STAG1: variants seen among roughly 807,000 people sequenced by gnomAD.
STAG1 encodes cohesin subunit SA-1.
A neutral mutation model predicts 170.9 loss-of-function variants in STAG1; 26 were observed. The ratio of observed to expected loss-of-function variants is 0.15; its 90% CI spans 0.11 to 0.21. The LOEUF (loss-of-function observed/expected upper bound fraction) is 0.21, where lower values mean the gene tolerates loss of function less well. Ranked by LOEUF, STAG1 falls within the 10% of genes least tolerant of loss-of-function variation. The pLI is 1.00. For missense variants in STAG1, 964 were observed against 1,509.5 expected (o/e 0.64, Z 5.99); for synonymous variants, 514 against 497.7 (o/e 1.03, Z -0.44).
chr3:136,613,334 A>T (rs1462922501), intron 3 of STAG1, among the ~76,000 whole-genome samples: 1 of 151,080 alleles, frequency 6.6e-6, no homozygotes, highest in East Asian at 1.9e-4. Flanking sequence ...AAAAAAAAAA[A>T]AGAAATCAGA....
rs145469400 is a variant in STAG1, at chr3:136,357,576, G to C, written c.3065+144C>G. 539 of 597,944 alleles carry C rather than the reference G, an allele frequency of 9.0e-4. 2 individuals are homozygous for C. In the African/African-American group the frequency reaches 9.6e-3, roughly 11 times the overall value. 37.0% of individuals were successfully genotyped at this position (597,944 alleles called of 1,614,324 possible). On this transcript the variant is annotated intron_variant, in intron 28 of 33. Coordinates refer to ENST00000383202, the MANE Select transcript of STAG1 (RefSeq NM_005862.3). ...AATAACTACTACATAAATGCTTGAA[G>C]GAAAACTATAATTCCTTAAAACAAA... is the stretch of plus-strand genomic sequence containing the variant.
chr3:136,633,962 T>TAAAAAAAAAAAAAAAAAAAAAAAAAA (rs67810422), intron 1 of STAG1, among the ~76,000 whole-genome samples: 2 of 50,356 alleles, frequency 4.0e-5, no homozygotes, highest in Non-Finnish European at 8.5e-5. Flanking sequence ...TGTCTCTACT[T>TAAAAAAAAAAAAAAAAAAAAAAAAAA]AAAAAAAAAA....
At chr3:136,354,059 T>C (rs1189113908) in intron 28 of STAG1, among the ~76,000 whole-genome samples, 1 of 152,002 alleles carries the variant, frequency 6.6e-6, no homozygotes, top group African/African-American at 2.4e-5. Context: ...ACCAGAAAAA[T>C]GGTAAATAGG....
chr3:136,398,764 A>T lies in STAG1; in HGVS notation c.2262T>A (p.Asp754Glu). 2 of 1,603,464 alleles carry T rather than the reference A, an allele frequency of 1.2e-6. No homozygotes were observed. The highest frequency in any genetic ancestry group is 2.2e-5 in the South Asian group (2 of 89,678). The change falls in exon 22 of 34, where the codon GAT (aspartate) becomes GAA (glutamate). Residue 754 changes from aspartate (D) to glutamate (E), a missense_variant. Around this residue, in one of 11 missense-constraint regions of STAG1, gnomAD observed 232 missense variants for 313.0 expected, o/e 0.74. Coordinates refer to ENST00000383202, the MANE Select transcript of STAG1 (RefSeq NM_005862.3). ...SILWQLVKIT[D>E]GSPSKEDLLV... The stretch of plus-strand genomic sequence containing the variant: ...TCTTACTTACTTTGGAAGGAGAGCC[A>T]TCAGTAATTTTCACCAACTGCCAAA...
At chr3:136,615,073 G>A (rs184752865) in intron 3 of STAG1, among the ~76,000 whole-genome samples, 7 of 151,886 alleles carry the variant, frequency 4.6e-5, no homozygotes, top group Admixed American at 3.3e-4. Flanking sequence ...CGAGAAGCAG[G>A]AAAAGTTTCA....
intron 9 of STAG1, among the ~76,000 whole-genome samples, chr3:136,489,705 A>G (rs1424114566): frequency 1.3e-5 from 2 of 152,242 alleles, no homozygotes; most frequent in Non-Finnish European, 2.9e-5. Flanking sequence ...GGTATGAAAT[A>G]GCATAGGGAG....
chr3:136,741,428 T>C (rs1934665173), intron 1 of STAG1, among the ~76,000 whole-genome samples: 2 of 152,212 alleles, frequency 1.3e-5, no homozygotes, highest in Non-Finnish European at 2.9e-5. Context: ...ATATGATCAA[T>C]GATTATTATA....
intron 5 of STAG1, among the ~76,000 whole-genome samples, chr3:136,563,666 AC>A (rs1553746252): frequency 3.8e-4 from 57 of 151,212 alleles, no homozygotes; most frequent in Non-Finnish European, 3.2e-4. Context: ...AAAAAAAACA[AC>A]AACAACAAAG....
At chr3:136,374,335 T>C (rs1263087993) in intron 23 of STAG1, among the ~76,000 whole-genome samples, 1 of 152,140 alleles carries the variant, frequency 6.6e-6, no homozygotes, top group Non-Finnish European at 1.5e-5. Flanking sequence ...AAAAATATTT[T>C]GGCCAGGCAC....
At chr3:136,485,066 C>T (rs975332270) in intron 9 of STAG1, among the ~76,000 whole-genome samples, 3 of 152,176 alleles carry the variant, frequency 2.0e-5, no homozygotes, top group Admixed American at 1.3e-4. Context: ...AGCTGTAGAC[C>T]GGAGCTGTTC....
chr3:136,419,605 C>A (rs564799109), intron 20 of STAG1, among the ~76,000 whole-genome samples: 4 of 149,204 alleles, frequency 2.7e-5, no homozygotes, highest in Non-Finnish European at 5.9e-5. Flanking sequence ...CCACCATGCC[C>A]GGCTAATTTT....
chr3:136,566,682 T>C (rs1559882912), intron 5 of STAG1, among the ~76,000 whole-genome samples: 1 of 152,182 alleles, frequency 6.6e-6, no homozygotes, highest in Non-Finnish European at 1.5e-5. Flanking sequence ...GATGAGAGTA[T>C]AGAAGAGTAC....
At chr3:136,723,116 C>T (rs1048091663) in intron 1 of STAG1, among the ~76,000 whole-genome samples, 7 of 152,218 alleles carry the variant, frequency 4.6e-5, no homozygotes, top group Non-Finnish European at 7.3e-5. Context: ...GCCGCAACGC[C>T]GTCTGGGAAG....
chr3:136,664,399 A>G (rs116636776), intron 1 of STAG1, among the ~76,000 whole-genome samples: 2,419 of 152,254 alleles, frequency 0.016, 66 homozygotes, highest in Non-Finnish European at 0.017. Flanking sequence ...TTGAGACCTA[A>G]AAGTAAACAA....
At chr3:136,604,197 G>T in intron 4 of STAG1, 112 bp downstream of exon 4, 1 of 946,544 alleles carries the variant, frequency 1.1e-6, no homozygotes, top group Non-Finnish European at 1.5e-6. Context: ...AAACTGAAAG[G>T]TTGCTTACAT....
intron 12 of STAG1, among the ~76,000 whole-genome samples, chr3:136,469,532 T>C (rs2089565846): frequency 6.6e-6 from 1 of 152,196 alleles, no homozygotes; most frequent in South Asian, 2.1e-4. Flanking sequence ...ATAGGAATAA[T>C]CAATATCGTG....
At chr3:136,518,338 G>C in intron 7 of STAG1, 1 of 693,824 alleles carries the variant, frequency 1.4e-6, no homozygotes, top group Non-Finnish European at 2.6e-6. Flanking sequence ...TAACTGCCTT[G>C]TAACTGTCCA....
At chr3:136,639,420 C>T (rs1231957130) in intron 1 of STAG1, among the ~76,000 whole-genome samples, 1 of 152,174 alleles carries the variant, frequency 6.6e-6, no homozygotes, top group Non-Finnish European at 1.5e-5. Flanking sequence ...CACTCAACCT[C>T]TCTCCAGTTA....
At chr3:136,666,107 A>AG (rs1941759326) in intron 1 of STAG1, among the ~76,000 whole-genome samples, 1 of 140,108 alleles carries the variant, frequency 7.1e-6, no homozygotes. Flanking sequence ...AAAAAAAAAA[A>AG]AAAAGAAAGA....
Sources: allele counts gnomAD v4.1 joint callset (sites outside exome capture counted in the v4.1 genomes callset), GRCh38; gene constraint gnomAD v4.1.1; regional missense constraint gnomAD v4.1.1; transcripts MANE v1.5; gene names NCBI Gene and HGNC (gene_info 2026-07-23, HGNC 2026-07-21).